The following SLC9A9 variants were observed in gnomAD, a reference collection of about 807,000 sequenced individuals.
SLC9A9 encodes solute carrier family 9 member A9.
SLC9A9 carries 62 observed loss-of-function variants against 77.8 expected under a neutral mutation model. The ratio of observed to expected loss-of-function variants is 0.80; its 90% CI spans 0.65 to 0.98. The LOEUF is 0.98. SLC9A9 is among the 50% of genes least tolerant of loss of function. SLC9A9 has a pLI of 0.00. For synonymous variants in SLC9A9, 320 were observed against 283.5 expected, an observed-to-expected ratio of 1.13 and a Z score of -1.29; for missense variants, 775 against 774.9, an observed-to-expected ratio of 1.00 and a Z score of 0.00.
chr3:143,280,682 C>T (rs1490239862), intron 14 of SLC9A9, among the ~76,000 whole-genome samples: 1 of 151,758 alleles, frequency 6.6e-6, no homozygotes, highest in Non-Finnish European at 1.5e-5. Context: ...TCCCCAGTAG[C>T]TAGAATTACA....
At chr3:143,346,866 A>G (rs994610064) in intron 14 of SLC9A9, 1 of 152,178 alleles carries the variant, frequency 6.6e-6, no homozygotes, top group Admixed American at 6.6e-5. Flanking sequence ...ATAGAAAATG[A>G]GAGAAGAAAT....
At chr3:143,715,553 G>C (rs978927339) in intron 4 of SLC9A9, among the ~76,000 whole-genome samples, 4 of 152,168 alleles carry the variant, frequency 2.6e-5, no homozygotes, top group African/African-American at 9.7e-5. Context: ...TTATGTAATT[G>C]ATTGTCTTGT....
intron 5 of SLC9A9, among the ~76,000 whole-genome samples, chr3:143,683,462 G>A (rs1256903477): frequency 6.6e-6 from 1 of 152,150 alleles, no homozygotes. Flanking sequence ...GAGCACTGCT[G>A]TAGATTAAAG....
At chr3:143,450,515 A>T (rs972699831) in intron 12 of SLC9A9, among the ~76,000 whole-genome samples, 1 of 152,016 alleles carries the variant, frequency 6.6e-6, no homozygotes, top group Non-Finnish European at 1.5e-5. Flanking sequence ...TTTATTTTTT[A>T]AAATAATTTT....
At chr3:143,295,387 G>A (rs1204347995) in intron 14 of SLC9A9, among the ~76,000 whole-genome samples, 1 of 152,190 alleles carries the variant, frequency 6.6e-6, no homozygotes. Context: ...AGCAGTAAAA[G>A]CTACTAGAAG....
At chr3:143,659,963 G>C (rs2038955335) in intron 5 of SLC9A9, among the ~76,000 whole-genome samples, 1 of 152,140 alleles carries the variant, frequency 6.6e-6, no homozygotes, top group Non-Finnish European at 1.5e-5. Flanking sequence ...GGAAGTTCCG[G>C]TACACAAGCT....
chr3:143,596,114 A>C (rs2037747208), intron 6 of SLC9A9, among the ~76,000 whole-genome samples: 1 of 152,174 alleles, frequency 6.6e-6, no homozygotes, highest in Admixed American at 6.5e-5. Context: ...GAAACAAACC[A>C]GGGTACGACA....
intron 6 of SLC9A9, among the ~76,000 whole-genome samples, chr3:143,651,097 C>T (rs1048418801): frequency 7.2e-5 from 11 of 152,172 alleles, no homozygotes; most frequent in Admixed American, 2.6e-4. Flanking sequence ...GAGTTTTACT[C>T]CAAATGTTCT....
intron 4 of SLC9A9, among the ~76,000 whole-genome samples, chr3:143,770,993 C>T (rs1046055419): frequency 3.9e-5 from 6 of 151,952 alleles, no homozygotes. Flanking sequence ...CATGCACATT[C>T]ATGTATCCTG....
intron 6 of SLC9A9, among the ~76,000 whole-genome samples, chr3:143,634,674 A>C (rs2038483850): frequency 6.6e-6 from 1 of 152,158 alleles, no homozygotes; most frequent in African/African-American, 2.4e-5. Flanking sequence ...ACACATATAG[A>C]GACAGAGAGA....
chr3:143,359,204 C>G (rs551942640), intron 14 of SLC9A9, among the ~76,000 whole-genome samples: 1 of 152,304 alleles, frequency 6.6e-6, no homozygotes, highest in South Asian at 2.1e-4. Flanking sequence ...TTAATTGATT[C>G]ATTCATTCCT....
At chr3:143,693,056 C>T (rs1933523374) in intron 5 of SLC9A9, 136 bp downstream of exon 5, 1 of 679,524 alleles carries the variant, frequency 1.5e-6, no homozygotes, top group East Asian at 2.7e-5. Flanking sequence ...TTTGTAATTA[C>T]TAACAGATAT....
chr3:143,606,436 C>CTCTCTCTATATATATATATATATATA (rs1419410834), intron 6 of SLC9A9, among the ~76,000 whole-genome samples: 2 of 54,212 alleles, frequency 3.7e-5, no homozygotes, highest in African/African-American at 1.5e-4. Flanking sequence ...CTCTCTCTCT[C>CTCTCTCTATATATATATATATATATA]TATATATATA....
At chr3:143,676,090 T>A (rs1262527559) in intron 5 of SLC9A9, among the ~76,000 whole-genome samples, 1 of 152,040 alleles carries the variant, frequency 6.6e-6, no homozygotes, top group Non-Finnish European at 1.5e-5. Context: ...ACAACCTAGA[T>A]CCCTCGCATG....
At chr3:143,267,315 C>G (rs1185221121) in intron 15 of SLC9A9, among the ~76,000 whole-genome samples, 3 of 145,076 alleles carry the variant, frequency 2.1e-5, no homozygotes, top group Non-Finnish European at 3.0e-5. Context: ...TCCTGCCTAT[C>G]AAAAAATCCT....
chr3:143,408,450 C>T (rs2034026684), intron 12 of SLC9A9, among the ~76,000 whole-genome samples: 1 of 152,156 alleles, frequency 6.6e-6, no homozygotes, highest in Admixed American at 6.5e-5. Context: ...AATGCTGCTG[C>T]TATTAGCACT....
chr3:143,447,482 T>C (rs2034866348), intron 12 of SLC9A9, among the ~76,000 whole-genome samples: 1 of 152,170 alleles, frequency 6.6e-6, no homozygotes, highest in Non-Finnish European at 1.5e-5. Context: ...CTTAAAAAAA[T>C]AAAACAGGGC....
chr3:143,349,384 G>A (rs1349258474), intron 14 of SLC9A9, among the ~76,000 whole-genome samples: 1 of 152,124 alleles, frequency 6.6e-6, no homozygotes, highest in South Asian at 2.1e-4. Flanking sequence ...ACAGAACTAG[G>A]GAAAAGCTTC....
At chr3:143,704,669 A>C (rs1356591002) in intron 4 of SLC9A9, among the ~76,000 whole-genome samples, 1 of 150,326 alleles carries the variant, frequency 6.7e-6, no homozygotes, top group Non-Finnish European at 1.5e-5. Context: ...TTTGGAAGCA[A>C]CCTAAGTGTC....
Sources: gnomAD v4.1 joint callset for allele counts (sites outside exome capture counted in the v4.1 genomes callset) on GRCh38, gnomAD v4.1.1 for gene constraint, MANE v1.5 for transcripts, NCBI Gene and HGNC (gene_info 2026-07-23, HGNC 2026-07-21) for gene names.